ESR1: variants seen among roughly 807,000 people sequenced by gnomAD.
The protein encoded by ESR1 is estrogen receptor.
Under a neutral mutation model 52.7 loss-of-function variants are expected in ESR1, and 12 were observed. The observed-to-expected ratio is 0.23, with a 90% CI of 0.15 to 0.37. The LOEUF is 0.37. Among genes scored for constraint, ESR1 ranks in the 10% least tolerant of loss-of-function variants. The probability of loss-of-function intolerance (pLI) is 1.00; values close to 1 mark genes in which losing one functional copy is unlikely to be tolerated. For synonymous variants in ESR1, 305 were observed against 316.8 expected (o/e 0.96, Z 0.39); for missense variants, 584 against 779.7 (o/e 0.75, Z 2.99).
intron 1 of ESR1, among the ~76,000 whole-genome samples, chr6:151,835,039 A>G (rs1783088924): frequency 6.6e-6 from 1 of 152,154 alleles, no homozygotes; most frequent in Admixed American, 6.5e-5. Context: ...ACTTAACCCC[A>G]GGAGCCAGCA....
At chr6:151,693,961 T>C (rs1779134882) in intron 1 of ESR1, among the ~76,000 whole-genome samples, 1 of 152,180 alleles carries the variant, frequency 6.6e-6, no homozygotes, top group South Asian at 2.1e-4. Context: ...AGACCTGAGA[T>C]AGTCTCTCCC....
At chr6:151,657,325 A>C (rs1777489100) in intron 1 of ESR1, among the ~76,000 whole-genome samples, 1 of 152,224 alleles carries the variant, frequency 6.6e-6, no homozygotes, top group Non-Finnish European at 1.5e-5. Context: ...GGTACTAACC[A>C]TTAAAATTAA....
rs56064813 is a variant in ESR1 at position 151,698,372 on chromosome 6, T to TA, written c.-201-3489dup. 4.3e-3 allele frequency among the ~76,000 whole-genome samples: 602 copies of TA among 139,142 alleles called. 6 individuals are homozygous for TA. Among genetic ancestry groups the TA allele is most frequent in the East Asian group, 0.023 (110 of 4,858 alleles). 91.3% of individuals were successfully genotyped at this position (139,142 alleles called of 152,430 possible). A position where few individuals can be genotyped will look rare whatever the true frequency, so the allele number is the denominator to read the frequency against. ...TGGGCAACAGAGCAAGATCTTGTCT[T>TA]AAAAAAAAAAAAAAGTGACTTAAGA... On this transcript the variant is annotated intron_variant, in intron 1 of 2. Coordinates refer to the ESR1 transcript ENST00000404742.
intron 1 of ESR1, among the ~76,000 whole-genome samples, chr6:151,679,017 C>T (rs867683559): frequency 2.0e-5 from 3 of 152,160 alleles, no homozygotes; most frequent in African/African-American, 7.2e-5. Context: ...CAGTAGGCCT[C>T]CTCTTCTGGC....
chr6:152,061,117 T>C lies in ESR1; in HGVS notation c.1362T>C (p.Leu454=), dbSNP rs2128958616. 1.2e-6 allele frequency: 2 copies of C among 1,613,870 alleles called. No homozygotes were observed. Among genetic ancestry groups the C allele is most frequent in the Non-Finnish European group, 8.5e-7 (1 of 1,179,850 alleles). The change falls in exon 6 of 8, where the codon CTT becomes CTC. Residue 454 remains leucine, a synonymous_variant. Transcript: ENST00000206249. This position sits in a 1 kb window ranked among gnomAD's most constrained non-coding sequence, Gnocchi z 4.3. ...EFVCLKSIIL[L]NSGVYTFLSS... is the part of the protein sequence containing the mutation. ...TGTGCCTCAAATCTATTATTTTGCT[T>C]AATTCTGGTGAGTTGATAACACAAG... is the stretch of plus-strand genomic sequence containing the variant.
intron 6 of ESR1, among the ~76,000 whole-genome samples, chr6:152,075,291 C>T (rs957723509): frequency 3.3e-5 from 5 of 152,158 alleles, no homozygotes; most frequent in African/African-American, 1.2e-4. Flanking sequence ...GGGGTTTTTA[C>T]TCTCAAAATG....
intron 2 of ESR1, among the ~76,000 whole-genome samples, chr6:151,741,480 A>G (rs989984283): frequency 6.6e-6 from 1 of 152,174 alleles, no homozygotes; most frequent in Admixed American, 6.5e-5. Context: ...TAGTTCATTT[A>G]CATGATTTAT....
chr6:151,736,853 C>T (rs1007304375), intron 2 of ESR1, among the ~76,000 whole-genome samples: 2 of 152,072 alleles, frequency 1.3e-5, no homozygotes, highest in Admixed American at 1.3e-4. Flanking sequence ...AATTTCGGCA[C>T]GCTGGCTCCT....
chr6:151,908,978 C>T (rs928806132), intron 3 of ESR1, among the ~76,000 whole-genome samples: 1 of 151,998 alleles, frequency 6.6e-6, no homozygotes, highest in Admixed American at 6.5e-5. Context: ...TGGCTTGCTC[C>T]ACATTCACTA....
chr6:151,726,168 A>G (rs1249039654), intron 2 of ESR1, among the ~76,000 whole-genome samples: 1 of 152,178 alleles, frequency 6.6e-6, no homozygotes, highest in Non-Finnish European at 1.5e-5. Context: ...TAGGCGGAGA[A>G]AGAATTTACA....
chr6:151,777,114 TTTTCTTTTC>T (rs1786072409), intron 2 of ESR1, among the ~76,000 whole-genome samples: 1 of 144,644 alleles, frequency 6.9e-6, no homozygotes, highest in African/African-American at 2.7e-5. Context: ...TTTTCTTTTC[TTTTCTTTTC>T]TTTTTTTTTT....
chr6:152,085,709 A>G (rs1231761117), intron 6 of ESR1, among the ~76,000 whole-genome samples: 1 of 152,162 alleles, frequency 6.6e-6, no homozygotes, highest in East Asian at 1.9e-4. Context: ...CTGACAAAAA[A>G]AAAAAGTTTC....
At chr6:151,813,088 T>C (rs1177745828) in intron 1 of ESR1, among the ~76,000 whole-genome samples, 1 of 152,118 alleles carries the variant, frequency 6.6e-6, no homozygotes, top group Non-Finnish European at 1.5e-5. Context: ...CTTTATAATA[T>C]CCTTAATCTC....
chr6:151,720,786 A>C (rs1163094278), intron 2 of ESR1, among the ~76,000 whole-genome samples: 1 of 152,238 alleles, frequency 6.6e-6, no homozygotes, highest in Non-Finnish European at 1.5e-5. Flanking sequence ...TCTAACATAC[A>C]TTTGAGCCAA....
At chr6:151,728,899 C>G (rs1224096163) in intron 2 of ESR1, among the ~76,000 whole-genome samples, 1 of 152,160 alleles carries the variant, frequency 6.6e-6, no homozygotes, top group African/African-American at 2.4e-5. Context: ...AGGATTTGAT[C>G]TAGAAAAGGT....
At chr6:152,088,874 A>G (rs928651296) in intron 6 of ESR1, among the ~76,000 whole-genome samples, 1 of 152,258 alleles carries the variant, frequency 6.6e-6, no homozygotes, top group Non-Finnish European at 1.5e-5. Context: ...AAAGAAGAAT[A>G]AAAAATGAAG....
intron 3 of ESR1, among the ~76,000 whole-genome samples, chr6:151,891,224 G>A (rs1166309850): frequency 1.3e-5 from 2 of 152,156 alleles, no homozygotes; most frequent in African/African-American, 2.4e-5. Flanking sequence ...GTATCTTTAT[G>A]TACCTTTTCA....
chr6:152,029,805 T>G (rs981797988), intron 5 of ESR1, among the ~76,000 whole-genome samples: 4 of 152,020 alleles, frequency 2.6e-5, no homozygotes, highest in Middle Eastern at 3.2e-3. Context: ...ACAAAGATAC[T>G]CCTTGAGAAG....
At chr6:151,968,246 C>G (rs183371742) in intron 4 of ESR1, among the ~76,000 whole-genome samples, 370 of 152,256 alleles carry the variant, frequency 2.4e-3, no homozygotes, top group Middle Eastern at 6.8e-3. Flanking sequence ...GGACCCCTTC[C>G]TTACACCTTA....
Sources: gnomAD v4.1 joint callset for allele counts (sites outside exome capture counted in the v4.1 genomes callset) on GRCh38, gnomAD v4.1.1 for gene constraint, Gnocchi (gnomAD v3.1) non-coding constraint, MANE v1.5 for transcripts, NCBI Gene and HGNC (gene_info 2026-07-23, HGNC 2026-07-21) for gene names.